FLG: variants seen among roughly 807,000 people sequenced by gnomAD.
FLG encodes filaggrin.
In FLG, 6 loss-of-function variants were observed where a neutral mutation model predicts 3.8. The observed-to-expected ratio is 1.60, with a 90% CI of 0.87 to 3.15. The LOEUF (loss-of-function observed/expected upper bound fraction) is 3.15. Ranked by LOEUF, FLG falls within the 30% of genes most tolerant of loss-of-function variation. The probability of loss-of-function intolerance (pLI) is 0.00; values close to 1 mark genes in which losing one functional copy is unlikely to be tolerated. For synonymous variants in FLG, 2,551 were observed against 1,931.6 expected (o/e 1.32, Z -8.41); for missense variants, 7,595 against 5,050.9 (o/e 1.50, Z -15.27).
chr1:152,306,198 G>A lies in FLG; in HGVS notation c.8688C>T (p.Asp2896=), dbSNP rs368856059. ...CAGAGTCTTCTGAATGTCCCTCACTGTCACTGTCCTGGCTCACACTGGATC... is the reference window on the plus strand; with the variant it reads ...CAGAGTCTTCTGAATGTCCCTCACTATCACTGTCCTGGCTCACACTGGATC... ...RQGSSVSQDS[D]SEGHSEDSER... is the part of the protein sequence containing the mutation. The change falls in exon 3 of 3, where the codon GAC becomes GAT. Residue 2896 remains aspartate, a synonymous_variant. Transcript: ENST00000368799. The A allele has an allele frequency of 9.4e-6, 15 of 1,603,532 alleles. No individual in the cohort carries two copies. The highest frequency in any genetic ancestry group is 1.3e-5 in the Non-Finnish European group (15 of 1,180,028).
rs374889435 is a variant in FLG, at chr1:152,313,289, C to T, written c.1597G>A (p.Glu533Lys). ...SRGGRQGSHH[E>K]QSVNRSGHSG... ...TGTCCAGACCTATTTACCGATTGCT[C>T]GTGGTGGGATCCCTGCCTTCCTCCT... Residue 533 changes from glutamate (E) to lysine (K), a missense_variant, in exon 3 of 3, where the codon GAG becomes AAG. By Grantham distance (56) the Glu-to-Lys change is moderately conservative (BLOSUM62 1). Transcript: ENST00000368799. 9.3e-6 allele frequency: 15 copies of T among 1,613,708 alleles called. No homozygotes were observed. Among genetic ancestry groups the T allele is most frequent in the African/African-American group, 1.3e-5 (1 of 74,740 alleles).
In FLG at chr1:152,311,076, A is replaced by T. The variant is rs748684573; in HGVS notation, c.3810T>A (p.Val1270=). 1.2e-6 allele frequency: 2 copies of T among 1,613,614 alleles called. No homozygotes were observed. The highest frequency in any genetic ancestry group is 1.7e-6 in the Non-Finnish European group (2 of 1,179,950). Residue 1270 remains valine (V), a synonymous_variant, in exon 3 of 3, where the codon GTT becomes GTA. Transcript: ENST00000368799. ...GTCTCTCACTGTCACTGTCCTGGCT[A>T]ACACTGGATCCCTGGTGCCTGCTTG... ...SRTSRHQGSS[V]SQDSDSERHS... is the part of the protein sequence containing the mutation.
In FLG at chr1:152,313,284, T is replaced by A. The variant is rs763468319; in HGVS notation, c.1602A>T (p.Gln534His). The A allele has an allele frequency of 1.2e-6, 2 of 1,613,736 alleles. No individual in the cohort carries two copies. The highest frequency in any genetic ancestry group is 2.2e-5 in the East Asian group (1 of 44,828). Reference sequence around the variant, plus strand: ...CTGAGTGTCCAGACCTATTTACCGATTGCTCGTGGTGGGATCCCTGCCTTC... The same window carrying A: ...CTGAGTGTCCAGACCTATTTACCGAATGCTCGTGGTGGGATCCCTGCCTTC... ...RGGRQGSHHE[Q>H]SVNRSGHSGS... Residue 534 changes from glutamine (Q) to histidine (H), a missense_variant, in exon 3 of 3, where the codon CAA becomes CAT. By Grantham distance (24) the Gln-to-His change is conservative. Transcript: ENST00000368799.
Position 152,308,785 on chromosome 1 carries a change from C to T in FLG, c.6101G>A (p.Ser2034Asn), listed in dbSNP as rs201132811. Residue 2034 changes from serine (S) to asparagine (N), a missense_variant, in exon 3 of 3, where the codon AGT becomes AAT. Physicochemically the swap from Ser to Asn is conservative, Grantham distance 46. Coordinates refer to ENST00000368799, the MANE Select transcript of FLG (RefSeq NM_002016.2). The stretch of plus-strand genomic sequence containing the variant: ...ACTACCACTGTACCCTCGGTGTCCA[C>T]TGTCTCTGACTGCAGATGAAGCTTG... The part of the protein sequence containing the change: ...HGQASSAVRD[S>N]GHRGYSGSQA... The T allele has an allele frequency of 3.5e-5, 57 of 1,614,128 alleles. No individual in the cohort carries two copies. In the East Asian group the frequency reaches 8.9e-4, roughly 25 times the overall value.
At chr1:152,321,827 C>T (rs1011320353) in intron 1 of FLG, among the ~76,000 whole-genome samples, 1 of 151,006 alleles carries the variant, frequency 6.6e-6, no homozygotes, top group Non-Finnish European at 1.5e-5. Flanking sequence ...GGCCTCAGTA[C>T]CATAACCTGA....
rs760212230 is a variant in FLG at position 152,308,005 on chromosome 1, T to A, written c.6881A>T (p.His2294Leu). ...SHHEDRAGHG[H>L]SAESSRQSGT... is the part of the protein sequence containing the mutation. ...TGATTGTCTGGAGCTCTCTGCAGAG[T>A]GCCCATGACCGGCTCTGTCTTCGTG... Residue 2294 changes from histidine to leucine, a missense_variant, in exon 3 of 3, where the codon CAC (histidine) becomes CTC (leucine). Coordinates refer to ENST00000368799, the MANE Select transcript of FLG (RefSeq NM_002016.2). 17 of 1,614,086 alleles carry A rather than the reference T, an allele frequency of 1.1e-5. No individual in the cohort carries two copies. In the African/African-American group the frequency reaches 1.6e-4, roughly 15 times the overall value.
chr1:152,312,194 T>C lies in FLG; in HGVS notation c.2692A>G (p.Asn898Asp), dbSNP rs1430461712. ...GSRSASRTTR[N>D]EEQSRDGSRH... is the part of the protein sequence containing the mutation. Reference sequence around the variant, plus strand: ...GAGCCGTCTCTTGATTGTTCCTCATTACGTGTTGTTCTGCTTGCACTTCTG... The same window carrying C: ...GAGCCGTCTCTTGATTGTTCCTCATCACGTGTTGTTCTGCTTGCACTTCTG... The change falls in exon 3 of 3, where the codon AAT becomes GAT. Residue 898 changes from asparagine (N) to aspartate (D), a missense_variant. By Grantham distance (23) the Asn-to-Asp change is conservative (BLOSUM62 1). Coordinates refer to ENST00000368799, the MANE Select transcript of FLG (RefSeq NM_002016.2). The C allele has an allele frequency of 6.2e-7, 1 of 1,604,100 alleles. No individual in the cohort carries two copies. Among genetic ancestry groups the C allele is most frequent in the South Asian group, 1.1e-5 (1 of 90,636 alleles).
chr1:152,308,149 T>C lies in FLG; in HGVS notation c.6737A>G (p.Asp2246Gly). 1 of 1,613,810 alleles carries C rather than the reference T, an allele frequency of 6.2e-7. No individual in the cohort carries two copies. Among genetic ancestry groups the C allele is most frequent in the Non-Finnish European group, 8.5e-7 (1 of 1,179,970 alleles). The change falls in exon 3 of 3, where the codon GAC becomes GGC. Residue 2246 changes from aspartate (D) to glycine (G), a missense_variant. Physicochemically the swap from Asp to Gly is moderately conservative, Grantham distance 94 (BLOSUM62 -1). Coordinates refer to ENST00000368799, the MANE Select transcript of FLG (RefSeq NM_002016.2). ...SRPRGSSVSQ[D>G]SDSEGHSEDS... ...TTCTGAGTGTCCCTCACTGTCACTG[T>C]CCTGGCTAACACTGGATCCCCGGGG...
At position 152,318,507 on chromosome 1, in the gene FLG, C is replaced by T. The variant is rs181599661; in HGVS notation, c.-21-3030G>A. Among the ~76,000 whole-genome samples, 659 of 151,796 alleles carry T rather than the reference C, an allele frequency of 4.3e-3. 18 individuals are homozygous for T. Among genetic ancestry groups the T allele is most frequent in the Admixed American group, 0.039 (592 of 15,214 alleles). ...TTGTCTCTCAGTATTCTTTACTAAC[C>T]TCTCTTCTACTCAATCTCAAAAGGT... On this transcript the variant is annotated intron_variant, in intron 1 of 2. Transcript: ENST00000368799.
chr1:152,319,155 C>T (rs1652877073), intron 1 of FLG, among the ~76,000 whole-genome samples: 1 of 151,480 alleles, frequency 6.6e-6, no homozygotes, highest in African/African-American at 2.4e-5. Flanking sequence ...TAATGATCTT[C>T]TAAATAAGGT....
In FLG at chr1:152,313,217, C is replaced by T. The variant is rs1652588025; in HGVS notation, c.1669G>A (p.Ala557Thr). The T allele has an allele frequency of 6.2e-7, 1 of 1,613,886 alleles. No homozygotes were observed. The highest frequency in any genetic ancestry group is 8.5e-7 in the Non-Finnish European group (1 of 1,180,012). The change falls in exon 3 of 3, where the codon GCC becomes ACC. Residue 557 changes from alanine (A) to threonine (T), a missense_variant. Physicochemically the swap from Ala to Thr is moderately conservative, Grantham distance 58 (BLOSUM62 0). Transcript: ENST00000368799. Reference protein sequence around the residue: ...SHTTSQGRSDASHGQSGSRSA... With the variant: ...SHTTSQGRSDTSHGQSGSRSA... ...CTGGATCCTGACTGCCCATGGGAGG[C>T]ATCAGACCTTCCCTGGGATGTGGTG...
In FLG at chr1:152,305,558, T is replaced by C; in HGVS notation, c.9328A>G (p.Ile3110Val). 6.6e-7 allele frequency: 1 copy of C among 1,517,790 alleles called. No individual in the cohort carries two copies. The highest frequency in any genetic ancestry group is 8.8e-7 in the Non-Finnish European group (1 of 1,138,272). The allele number at this position is 1,517,790 out of a possible 1,614,324, so 94.0% of individuals were successfully genotyped here. A position where few individuals can be genotyped will look rare whatever the true frequency, so the allele number is the denominator to read the frequency against. The change falls in exon 3 of 3, where the codon ATT becomes GTT. Residue 3110 changes from isoleucine (I) to valine (V), a missense_variant. Coordinates refer to ENST00000368799, the MANE Select transcript of FLG (RefSeq NM_002016.2). ...CTGCTTGACCCCGGGTGTCCACGAA[T>C]GGTGTCCTGACCGTATTGGGATGCT... ...HSASQYGQDT[I>V]RGHPGSSRGG... is the part of the protein sequence containing the mutation.
rs1203031940 is a variant in FLG at position 152,304,282 on chromosome 1, T to C, written c.10604A>G (p.Gln3535Arg). 5.6e-6 allele frequency: 9 copies of C among 1,612,954 alleles called. No individual in the cohort carries two copies. Among genetic ancestry groups the C allele is most frequent in the East Asian group, 4.5e-5 (2 of 44,754 alleles). ...ACTGTCCTGGCTAACACTGGATCCC[T>C]GGTTCCTGCTTGTCCTGGGCCCCGC... ...QSAGPRTSRN[Q>R]GSSVSQDSDS... is the part of the protein sequence containing the mutation. The change falls in exon 3 of 3, where the codon CAG becomes CGG. Residue 3535 changes from glutamine to arginine, a missense_variant. Coordinates refer to ENST00000368799, the MANE Select transcript of FLG (RefSeq NM_002016.2).
At position 152,306,395 on chromosome 1, in the gene FLG, G is replaced by T. The variant is rs746688603; in HGVS notation, c.8491C>A (p.Gln2831Lys). The T allele has an allele frequency of 2.4e-5, 39 of 1,602,760 alleles. No homozygotes were observed. The South Asian group carries it at 3.6e-4, about 15-fold the overall frequency. The change falls in exon 3 of 3, where the codon CAG becomes AAG. Residue 2831 changes from glutamine to lysine, a missense_variant. Physicochemically the swap from Gln to Lys is moderately conservative, Grantham distance 53. Coordinates refer to ENST00000368799, the MANE Select transcript of FLG (RefSeq NM_002016.2). ...SQGRSDASRG[Q>K]SGSRSASRTT... ...CTGCTTGCACTTCTGGATCCTGACT[G>T]CCCACGGGAGGCATCAGACCTTCCC...
Position 152,315,447 on chromosome 1 carries a change from G to A in FLG, c.10C>T (p.Leu4Phe). 1.2e-6 allele frequency: 2 copies of A among 1,611,512 alleles called. No homozygotes were observed. Among genetic ancestry groups the A allele is most frequent in the African/African-American group, 2.7e-5 (2 of 74,890 alleles). The change falls in exon 2 of 3, where the codon CTC (leucine) becomes TTC (phenylalanine). Residue 4 changes from leucine to phenylalanine, a missense_variant. Coordinates refer to ENST00000368799, the MANE Select transcript of FLG (RefSeq NM_002016.2). ...ATTATGGCAAAGATGTTTTCCAGGA[G>A]AGTAGACATCTTTTGGCAATAAATG... MST[L>F]LENIFAIINL...
intron 1 of FLG, among the ~76,000 whole-genome samples, chr1:152,317,202 T>C (rs1333880662): frequency 6.6e-6 from 1 of 152,086 alleles, no homozygotes; most frequent in Non-Finnish European, 1.5e-5. Flanking sequence ...CTTCAATATA[T>C]ATTCATGCTG....
At position 152,311,220 on chromosome 1, in the gene FLG, C is replaced by T. The variant is rs768886062; in HGVS notation, c.3666G>A (p.Lys1222=). 2 of 1,613,174 alleles carry T rather than the reference C, an allele frequency of 1.2e-6. No individual in the cohort carries two copies. Among genetic ancestry groups the T allele is most frequent in the South Asian group, 1.1e-5 (1 of 91,034 alleles). The change falls in exon 3 of 3, where the codon AAG becomes AAA. Residue 1222 remains lysine (K), a synonymous_variant. Coordinates refer to ENST00000368799, the MANE Select transcript of FLG (RefSeq NM_002016.2). ...GSRSASRQTR[K]DKQSGDGSRH... ...TGGAGCCGTCTCCTGATTGTTTGTC[C>T]TTACGAGTTTGTCTGCTTGCACTTC... is the stretch of plus-strand genomic sequence containing the variant.
At chr1:152,320,578 C>T (rs1023511421) in intron 1 of FLG, among the ~76,000 whole-genome samples, 1 of 150,978 alleles carries the variant, frequency 6.6e-6, no homozygotes, top group Non-Finnish European at 1.5e-5. Context: ...TAAAAATCGA[C>T]AGAAGTATAA....
chr1:152,313,098 G>T lies in FLG; in HGVS notation c.1788C>A (p.Asp596Glu). The T allele has an allele frequency of 6.2e-7, 1 of 1,613,898 alleles. No homozygotes were observed. Among genetic ancestry groups the T allele is most frequent in the Non-Finnish European group, 8.5e-7 (1 of 1,179,990 alleles). ...SRHHEASSQA[D>E]SSRHSQVGQG... ...GGCCCACCTGTGAGTGTCTAGAGCT[G>T]TCAGCCTGAGAGGAAGCTTCATGAT... is the stretch of plus-strand genomic sequence containing the variant. Residue 596 changes from aspartate to glutamate, a missense_variant, in exon 3 of 3, where the codon GAC becomes GAA. Transcript: ENST00000368799.
Sources: gnomAD v4.1 joint callset for allele counts (sites outside exome capture counted in the v4.1 genomes callset) on GRCh38, gnomAD v4.1.1 for gene constraint, MANE v1.5 for transcripts, NCBI Gene and HGNC (gene_info 2026-07-23, HGNC 2026-07-21) for gene names.